The following COL4A1 variants were observed in gnomAD, a reference collection of about 807,000 sequenced individuals.
COL4A1 encodes the protein collagen alpha-1(IV) chain.
In COL4A1, 40 loss-of-function variants were observed where a neutral mutation model predicts 216.6. The ratio of observed to expected loss-of-function variants is 0.18; its 90% CI spans 0.14 to 0.24. The LOEUF (loss-of-function observed/expected upper bound fraction) is 0.24, where lower values mean the gene tolerates loss of function less well. COL4A1 is among the 10% of genes least tolerant of loss of function. The probability of loss-of-function intolerance (pLI) is 1.00; values close to 1 mark genes in which losing one functional copy is unlikely to be tolerated. For synonymous variants in COL4A1, 839 were observed against 810.7 expected (o/e 1.03, Z -0.59); for missense variants, 1,628 against 2,196.8 (o/e 0.74, Z 5.18).
At chr13:110,272,857 C>T (rs1300731860) in intron 1 of COL4A1, among the ~76,000 whole-genome samples, 1 of 152,154 alleles carries the variant, frequency 6.6e-6, no homozygotes, top group African/African-American at 2.4e-5. Flanking sequence ...GAACGTCCGA[C>T]CCTTCACCTG....
In COL4A1 at chr13:110,207,473, C is replaced by A; in HGVS notation, c.710G>T (p.Ser237Ile). 2 of 1,614,116 alleles carry A rather than the reference C, an allele frequency of 1.2e-6. No homozygotes were observed. The highest frequency in any genetic ancestry group is 1.7e-6 in the Non-Finnish European group (2 of 1,179,986). Residue 237 changes from serine (S) to isoleucine (I), a missense_variant, in exon 13 of 52, where the codon AGT becomes ATT. By Grantham distance (142) the Ser-to-Ile change is moderately radical. Around this residue, in one of 8 missense-constraint regions of COL4A1, gnomAD observed 23 missense variants for 66.0 expected, o/e 0.35. Transcript: ENST00000375820. This position sits in a 1 kb window ranked among gnomAD's most constrained non-coding sequence, Gnocchi z 4.4. ...TTGTCCTGGTACTCCTGGAGGCCCA[C>A]TGACCCCTTGGTCACCCTGTCGACA... ...PKGDKGDQGV[S>I]GPPGVPGQAQ... is the part of the protein sequence containing the mutation.
chr13:110,261,465 A>T (rs1882825393), intron 1 of COL4A1, among the ~76,000 whole-genome samples: 1 of 151,978 alleles, frequency 6.6e-6, no homozygotes, highest in African/African-American at 2.4e-5. Context: ...GAGAGCAAAA[A>T]CCCCAGTGCT....
rs777815983 is a variant in COL4A1, at chr13:110,211,951, C to T, written c.388-29G>A. The stretch of plus-strand genomic sequence containing the variant: ...GGGAGACAGCAGAGCATCATTCATA[C>T]GCACTGTGTGTGGCAGACACATCAG... On this transcript the variant is annotated intron_variant, in intron 6 of 51. Transcript: ENST00000375820. The surrounding 1 kb of genome is among the most constrained non-coding windows in gnomAD (Gnocchi z 4.3). The T allele has an allele frequency of 2.2e-5, 36 of 1,610,638 alleles. No individual in the cohort carries two copies. Among genetic ancestry groups the T allele is most frequent in the African/African-American group, 4.0e-5 (3 of 74,850 alleles).
intron 24 of COL4A1, chr13:110,191,432 G>T (rs375310222): frequency 2.5e-6 from 1 of 397,560 alleles, no homozygotes; most frequent in Non-Finnish European, 4.5e-6. Context: ...AAGAAAATAC[G>T]AGAGGAACAA....
intron 35 of COL4A1, 36 bp downstream of exon 35, chr13:110,176,590 C>G (rs1245657904): frequency 6.2e-7 from 1 of 1,600,492 alleles, no homozygotes. Flanking sequence ...CATCCTGAGC[C>G]CTTGCCACAC....
At chr13:110,288,900 C>T (rs977509615) in intron 1 of COL4A1, among the ~76,000 whole-genome samples, 4 of 152,158 alleles carry the variant, frequency 2.6e-5, no homozygotes, top group Admixed American at 6.5e-5. Context: ...GGTGTGGTGG[C>T]GCACGCCTGT....
At chr13:110,278,448 C>G (rs1883505617) in intron 1 of COL4A1, among the ~76,000 whole-genome samples, 1 of 152,188 alleles carries the variant, frequency 6.6e-6, no homozygotes, top group Non-Finnish European at 1.5e-5. Context: ...TCATACAATA[C>G]TCTGGACTCA....
chr13:110,204,495 C>T (rs543644159), intron 17 of COL4A1, among the ~76,000 whole-genome samples: 18 of 152,232 alleles, frequency 1.2e-4, no homozygotes, highest in African/African-American at 2.9e-4. Context: ...AGGCCCTCCC[C>T]GCAGCTTTCC....
chr13:110,179,650 G>A (rs1404595713), intron 29 of COL4A1, among the ~76,000 whole-genome samples: 1 of 152,130 alleles, frequency 6.6e-6, no homozygotes, highest in African/African-American at 2.4e-5. Flanking sequence ...ATTTTACAAA[G>A]GAGGAAAAGC....
At position 110,207,420 on chromosome 13, in the gene COL4A1, C is replaced by T. The variant is rs779300770; in HGVS notation, c.763G>A (p.Ala255Thr). The part of the protein sequence containing the change: ...QAQVQEKGDF[A>T]TKGEKGQKGE... ...ACTCATACCTTTTCTCCCTTGGTGG[C>T]GAAGTCTCCTTTTTCTTGAACTTGA... Residue 255 changes from alanine (A) to threonine (T), a missense_variant, in exon 13 of 52, where the codon GCC (alanine) becomes ACC (threonine). Ala to Thr is a moderately conservative substitution (Grantham distance 58). Coordinates refer to ENST00000375820, the MANE Select transcript of COL4A1 (RefSeq NM_001845.6). This position sits in a 1 kb window ranked among gnomAD's most constrained non-coding sequence, Gnocchi z 4.4. 2.0e-5 allele frequency: 32 copies of T among 1,613,848 alleles called. No homozygotes were observed. In the East Asian group the frequency reaches 2.0e-4, roughly 10 times the overall value.
chr13:110,204,145 T>G (rs962517012), intron 17 of COL4A1, among the ~76,000 whole-genome samples: 1 of 152,226 alleles, frequency 6.6e-6, no homozygotes, highest in Non-Finnish European at 1.5e-5. Flanking sequence ...ATCTCATCCA[T>G]AGTAGATGAA....
In COL4A1 at chr13:110,176,919, G is replaced by A. The variant is rs1384585816; in HGVS notation, c.2835C>T (p.Ser945=). ...PGSMDKVDMG[S]MKGQKGDQGE... is the part of the protein sequence containing the mutation. ...CTTGGTCTCCTTTCTGGCCCTTCAT[G>A]CTGCCCATGTCCACCTTATCCATGG... Residue 945 remains serine, a synonymous_variant, in exon 34 of 52, where the codon AGC becomes AGT. Coordinates refer to ENST00000375820, the MANE Select transcript of COL4A1 (RefSeq NM_001845.6). The A allele has an allele frequency of 3.1e-6, 5 of 1,614,152 alleles. No homozygotes were observed. In the South Asian group the frequency reaches 5.5e-5, roughly 18 times the overall value.
chr13:110,285,388 T>C (rs1883800983), intron 1 of COL4A1, among the ~76,000 whole-genome samples: 1 of 152,236 alleles, frequency 6.6e-6, no homozygotes, highest in Admixed American at 6.5e-5. Flanking sequence ...GCTCTGCCTT[T>C]GTACCTTACA....
intron 1 of COL4A1, among the ~76,000 whole-genome samples, chr13:110,260,370 G>A (rs894059888): frequency 2.0e-5 from 3 of 152,204 alleles, no homozygotes; most frequent in African/African-American, 7.2e-5. Context: ...CCACCTGGCT[G>A]CACCCTTAGC....
rs757119567 is a variant in COL4A1 at position 110,183,045 on chromosome 13, C to T, written c.2043G>A (p.Lys681=). 1 of 1,613,466 alleles carries T rather than the reference C, an allele frequency of 6.2e-7. No individual in the cohort carries two copies. Among genetic ancestry groups the T allele is most frequent in the Admixed American group, 1.7e-5 (1 of 60,010 alleles). Residue 681 remains lysine (K), a synonymous_variant, in exon 28 of 52, where the codon AAG becomes AAA. Coordinates refer to ENST00000375820, the MANE Select transcript of COL4A1 (RefSeq NM_001845.6). Reference sequence around the variant, plus strand: ...CAATGCCTGGCTGGCCCACAGCGCCCTTCTCTCCTGGCAGGCCTGGCCTTC... The same window carrying T: ...CAATGCCTGGCTGGCCCACAGCGCCTTTCTCTCCTGGCAGGCCTGGCCTTC... The part of the protein sequence containing the change: ...TPGRPGLPGE[K]GAVGQPGIGF...
intron 1 of COL4A1, among the ~76,000 whole-genome samples, chr13:110,248,945 TTC>T (rs1388884736): frequency 6.6e-6 from 1 of 152,154 alleles, no homozygotes; most frequent in Non-Finnish European, 1.5e-5. Flanking sequence ...ACTTTCTAGC[TTC>T]TGTCCTGTTT....
intron 4 of COL4A1, 63 bp from the exon 5 acceptor site, chr13:110,212,681 CATCTCCCCGGTTA>C: frequency 6.3e-7 from 1 of 1,582,054 alleles, no homozygotes. Context: ...CCTCCTCCTG[CATCTCCCCGGTTA>C]ATGGAGTCAT....
intron 1 of COL4A1, among the ~76,000 whole-genome samples, chr13:110,245,370 C>T (rs547565048): frequency 6.6e-6 from 1 of 152,258 alleles, no homozygotes; most frequent in South Asian, 2.1e-4. Flanking sequence ...AGTGTTTCAT[C>T]CCCCTCCTAC....
chr13:110,178,700 A>T (rs2139164840), intron 31 of COL4A1, among the ~76,000 whole-genome samples: 1 of 152,196 alleles, frequency 6.6e-6, no homozygotes, highest in African/African-American at 2.4e-5. Context: ...AATAAAGGAA[A>T]GGTCTCTTTG....
Sources: gnomAD v4.1 joint callset for allele counts (sites outside exome capture counted in the v4.1 genomes callset) on GRCh38, gnomAD v4.1.1 for gene constraint, gnomAD v4.1.1 regional missense constraint, Gnocchi (gnomAD v3.1) non-coding constraint, MANE v1.5 for transcripts, NCBI Gene and HGNC (gene_info 2026-07-23, HGNC 2026-07-21) for gene names.